Variants in FRMD4A observed in about 807,000 individuals in gnomAD.
FRMD4A encodes FERM domain containing 4A, also known as FERM domain-containing protein 4A.
FRMD4A carries 29 observed loss-of-function variants against 129.1 expected under a neutral mutation model. The ratio of observed to expected loss-of-function variants is 0.22; its 90% CI spans 0.17 to 0.31. The LOEUF is 0.31. Among genes scored for constraint, FRMD4A ranks in the 10% least tolerant of loss-of-function variants. The probability of loss-of-function intolerance (pLI) is 1.00; values close to 1 mark genes in which losing one functional copy is unlikely to be tolerated. For missense variants in FRMD4A, 1,272 were observed against 1,375.8 expected, an observed-to-expected ratio of 0.92 and a Z score of 1.19; for synonymous variants, 634 against 571.6, an observed-to-expected ratio of 1.11 and a Z score of -1.56.
chr10:14,053,906 G>C (rs1371523394), intron 2 of FRMD4A, among the ~76,000 whole-genome samples: 1 of 152,142 alleles, frequency 6.6e-6, no homozygotes, highest in Admixed American at 6.5e-5. Flanking sequence ...AGGTGTCCCA[G>C]CTACGCAGGA....
chr10:14,161,018 A>C (rs906288131), intron 2 of FRMD4A, among the ~76,000 whole-genome samples: 1 of 152,110 alleles, frequency 6.6e-6, no homozygotes, highest in African/African-American at 2.4e-5. Context: ...GCAGTGGCAC[A>C]ATCTCGGCTC....
At chr10:14,016,330 A>G (rs555729981) in intron 2 of FRMD4A, among the ~76,000 whole-genome samples, 1 of 152,324 alleles carries the variant, frequency 6.6e-6, no homozygotes, top group South Asian at 2.1e-4. Context: ...TCTGCTGAAC[A>G]CCTACCCAAC....
In FRMD4A at chr10:14,041,115, C is replaced by T. The variant is rs77033430; in HGVS notation, c.46-182203G>A. On this transcript the variant is annotated intron_variant, in intron 2 of 24. Coordinates refer to ENST00000357447, the MANE Select transcript of FRMD4A (RefSeq NM_018027.5). ...GCAACTTGCAGTACTTTGAAAAAGT[C>T]GTAGAGTATATGGGGTTATACTCGT... Among the ~76,000 whole-genome samples, 844 of 152,238 alleles carry T rather than the reference C, an allele frequency of 5.5e-3. 4 individuals carry two copies. The highest frequency in any genetic ancestry group is 8.6e-3 in the Non-Finnish European group (585 of 68,030).
chr10:14,187,643 C>T (rs1842189858), intron 2 of FRMD4A, among the ~76,000 whole-genome samples: 1 of 152,160 alleles, frequency 6.6e-6, no homozygotes, highest in African/African-American at 2.4e-5. Flanking sequence ...AGCTGAGCAC[C>T]AGTGGCATGC....
intron 2 of FRMD4A, among the ~76,000 whole-genome samples, chr10:14,177,325 A>C (rs1380728760): frequency 1.3e-5 from 2 of 151,878 alleles, no homozygotes; most frequent in Non-Finnish European, 2.9e-5. Flanking sequence ...AGCCTCCACC[A>C]TGCCCAGCTA....
intron 2 of FRMD4A, among the ~76,000 whole-genome samples, chr10:14,144,387 T>C (rs1202120710): frequency 2.0e-5 from 3 of 152,182 alleles, no homozygotes; most frequent in Admixed American, 1.3e-4. Context: ...TTCTTGCTTG[T>C]TTCTCTCACT....
intron 4 of FRMD4A, among the ~76,000 whole-genome samples, chr10:13,804,607 G>A (rs948306684): frequency 6.6e-6 from 1 of 150,504 alleles, no homozygotes; most frequent in East Asian, 1.9e-4. Flanking sequence ...TCAGTGGCAT[G>A]ATCTTGGCTC....
intron 2 of FRMD4A, chr10:14,003,463 A>G (rs1249620062): frequency 6.6e-6 from 1 of 152,216 alleles, no homozygotes; most frequent in Non-Finnish European, 1.5e-5. Flanking sequence ...ATTAGAGATG[A>G]TAAGTCAACG....
At chr10:14,300,760 G>A (rs1846156836) in intron 2 of FRMD4A, among the ~76,000 whole-genome samples, 1 of 152,234 alleles carries the variant, frequency 6.6e-6, no homozygotes, top group South Asian at 2.1e-4. Context: ...TCCAAGGAAA[G>A]TGTAAGAAAC....
rs1467859775 is a variant in FRMD4A at position 13,787,894 on chromosome 10, G to C, written c.300-4888C>G. Reference sequence around the variant, plus strand: ...AAAAAAAAGAAAAAAAAAAAAAGTGGCTTCTTTTTCTGATTTTCAGGAGAG... The same window carrying C: ...AAAAAAAAGAAAAAAAAAAAAAGTGCCTTCTTTTTCTGATTTTCAGGAGAG... On this transcript the variant is annotated intron_variant, in intron 5 of 24. Transcript: ENST00000357447. 2.0e-5 allele frequency among the ~76,000 whole-genome samples: 3 copies of C among 150,464 alleles called. No homozygotes were observed. The South Asian group carries it at 6.3e-4, about 32-fold the overall frequency.
chr10:14,329,412 G>A (rs1479698797), intron 2 of FRMD4A, among the ~76,000 whole-genome samples: 1 of 152,146 alleles, frequency 6.6e-6, no homozygotes, highest in African/African-American at 2.4e-5. Context: ...AATATGGTAA[G>A]AGCTAGGGCT....
intron 2 of FRMD4A, among the ~76,000 whole-genome samples, chr10:14,124,154 T>C (rs1306687210): frequency 5.9e-5 from 9 of 152,168 alleles, no homozygotes; most frequent in Non-Finnish European, 1.2e-4. Context: ...GGCCTCTTTA[T>C]TCAAGCACAG....
chr10:14,112,913 TAC>T (rs1393447090), intron 2 of FRMD4A, among the ~76,000 whole-genome samples: 1 of 152,182 alleles, frequency 6.6e-6, no homozygotes, highest in African/African-American at 2.4e-5. Context: ...TTATTACAAT[TAC>T]AGTGACAGAC....
Position 14,166,801 on chromosome 10 carries a change from A to T in FRMD4A, c.45+163257T>A, listed in dbSNP as rs542384419. Among the ~76,000 whole-genome samples, 20 of 152,350 alleles carry T rather than the reference A, an allele frequency of 1.3e-4. 1 individual carries two copies. In the South Asian group the frequency reaches 3.5e-3, roughly 27 times the overall value. ...TTTGCCCATATTATTTCATGGAGATAGTTCTACCCTGGTTCTAACCAGTTG... is the reference window on the plus strand; with the variant it reads ...TTTGCCCATATTATTTCATGGAGATTGTTCTACCCTGGTTCTAACCAGTTG... On this transcript the variant is annotated intron_variant, in intron 2 of 24. Transcript: ENST00000357447.
chr10:13,953,170 G>C (rs1322840748), intron 2 of FRMD4A, among the ~76,000 whole-genome samples: 3 of 152,140 alleles, frequency 2.0e-5, no homozygotes, highest in Non-Finnish European at 4.4e-5. Flanking sequence ...TTCCTCCCAG[G>C]CTCTTCCATA....
chr10:13,674,439 C>T (rs1259061968), intron 16 of FRMD4A, among the ~76,000 whole-genome samples: 1 of 152,164 alleles, frequency 6.6e-6, no homozygotes, highest in Non-Finnish European at 1.5e-5. Context: ...TTTGCCAGCA[C>T]CAACTTTAAC....
chr10:13,804,220 C>G (rs1317867121), intron 4 of FRMD4A, among the ~76,000 whole-genome samples: 2 of 152,196 alleles, frequency 1.3e-5, no homozygotes, highest in Non-Finnish European at 2.9e-5. Context: ...CTCTCACTGT[C>G]CAGCAGATAA....
intron 3 of FRMD4A, among the ~76,000 whole-genome samples, chr10:13,820,918 C>T (rs1250863937): frequency 6.6e-6 from 1 of 152,194 alleles, no homozygotes; most frequent in Admixed American, 6.5e-5. Flanking sequence ...GCCCGTCTGC[C>T]CCCATCTCTC....
intron 2 of FRMD4A, among the ~76,000 whole-genome samples, chr10:13,922,187 T>C (rs2095080808): frequency 6.6e-6 from 1 of 152,166 alleles, no homozygotes. Context: ...GAGAAATAAA[T>C]GTCTGTTGGT....
Sources: gnomAD v4.1 joint callset for allele counts (sites outside exome capture counted in the v4.1 genomes callset) on GRCh38, gnomAD v4.1.1 for gene constraint, MANE v1.5 for transcripts, NCBI Gene and HGNC (gene_info 2026-07-23, HGNC 2026-07-21) for gene names.